PIAS2: variants seen among roughly 807,000 people sequenced by gnomAD.
The protein encoded by PIAS2 is protein inhibitor of activated STAT 2.
A neutral mutation model predicts 69.7 loss-of-function variants in PIAS2; 19 were observed. The observed-to-expected ratio is 0.27, with a 90% confidence interval of 0.19 to 0.40. The LOEUF (loss-of-function observed/expected upper bound fraction) is 0.40, where lower values mean the gene tolerates loss of function less well. Among genes scored for constraint, PIAS2 ranks in the 10% least tolerant of loss-of-function variants. The pLI is 1.00. For missense variants in PIAS2, 624 were observed against 757.0 expected, an observed-to-expected ratio of 0.82 and a Z score of 2.06; for synonymous variants, 261 against 263.2, an observed-to-expected ratio of 0.99 and a Z score of 0.08.
At chr18:46,827,220 C>A (rs1412674518) in intron 11 of PIAS2, 1 of 152,140 alleles carries the variant, frequency 6.6e-6, no homozygotes, top group East Asian at 1.9e-4. Context: ...TCGTAGACAG[C>A]CAGGAGAACT....
At chr18:46,879,710 A>G (rs1009122130) in intron 2 of PIAS2, among the ~76,000 whole-genome samples, 5 of 152,230 alleles carry the variant, frequency 3.3e-5, no homozygotes, top group Non-Finnish European at 7.3e-5. Context: ...CATACAATAG[A>G]ATATTACTAT....
At chr18:46,874,709 C>T (rs1466671987) in intron 2 of PIAS2, among the ~76,000 whole-genome samples, 2 of 152,198 alleles carry the variant, frequency 1.3e-5, no homozygotes, top group African/African-American at 4.8e-5. Flanking sequence ...ACGTTTGAAA[C>T]TAAAGATCAA....
At position 46,804,109 on chromosome 18, in the gene PIAS2, C is replaced by G. The variant is rs1253626103; in HGVS notation, c.*8324G>C. 1 of 152,218 alleles carries G rather than the reference C, an allele frequency of 6.6e-6. No individual in the cohort carries two copies. The highest frequency in any genetic ancestry group is 1.5e-5 in the Non-Finnish European group (1 of 68,042). 9.4% of individuals were successfully genotyped at this position (152,218 alleles called of 1,614,324 possible). On this transcript the variant is annotated 3_prime_UTR_variant, in exon 14 of 14. Coordinates refer to ENST00000585916, the MANE Select transcript of PIAS2 (RefSeq NM_004671.5). Reference sequence around the variant, plus strand: ...TAAGTCAAATGCAAATGGTTATCCACCATTTCTTCATCCACCAATATTTAC... The same window carrying G: ...TAAGTCAAATGCAAATGGTTATCCAGCATTTCTTCATCCACCAATATTTAC...
chr18:46,907,774 A>G (rs2056800114), intron 1 of PIAS2: 2 of 152,102 alleles, frequency 1.3e-5, no homozygotes, highest in Non-Finnish European at 1.5e-5. Context: ...AACTTTTCCT[A>G]TACATGGGTT....
At chr18:46,855,103 TAAAAAAAAAAAA>T (rs59957336) in intron 5 of PIAS2, among the ~76,000 whole-genome samples, 60 of 76,346 alleles carry the variant, frequency 7.9e-4, no homozygotes, top group African/African-American at 3.1e-3. Context: ...CTTGTCTCTT[TAAAAAAAAAAAA>T]AAAAAAAAAA....
At chr18:46,847,521 G>A (rs775524739) in intron 5 of PIAS2, among the ~76,000 whole-genome samples, 3 of 144,806 alleles carry the variant, frequency 2.1e-5, no homozygotes, top group Non-Finnish European at 4.5e-5. Context: ...TGGCTCTGTC[G>A]CCCAGGCTGG....
chr18:46,908,115 C>G (rs2056843980), intron 1 of PIAS2: 1 of 152,012 alleles, frequency 6.6e-6, no homozygotes, highest in Non-Finnish European at 1.5e-5. Context: ...TGCTATATAT[C>G]AAAAGAAGTT....
chr18:46,914,358 A>T (rs1245526723), intron 1 of PIAS2, among the ~76,000 whole-genome samples: 1 of 152,110 alleles, frequency 6.6e-6, no homozygotes, highest in African/African-American at 2.4e-5. Flanking sequence ...AAACTCAGCC[A>T]ATCAGATTCT....
intron 13 of PIAS2, among the ~76,000 whole-genome samples, chr18:46,814,394 C>T (rs1317580149): frequency 6.6e-6 from 1 of 152,184 alleles, no homozygotes; most frequent in Non-Finnish European, 1.5e-5. Flanking sequence ...GTAATCCTCA[C>T]ATCTGAAGAA....
intron 2 of PIAS2, among the ~76,000 whole-genome samples, chr18:46,884,798 T>A (rs1386638592): frequency 6.6e-6 from 1 of 151,938 alleles, no homozygotes; most frequent in African/African-American, 2.4e-5. Context: ...ATGCCTGTAA[T>A]CCCAGCTACT....
intron 5 of PIAS2, among the ~76,000 whole-genome samples, chr18:46,847,483 T>C (rs1382793452): frequency 8.2e-6 from 1 of 121,586 alleles, no homozygotes; most frequent in Non-Finnish European, 1.8e-5. Context: ...ATCAACCGTA[T>C]TTTTTTTTTT....
rs527795117 is a variant in PIAS2, at chr18:46,883,816, A to C, written c.499+6764T>G. On this transcript the variant is annotated intron_variant, in intron 2 of 13. Coordinates refer to ENST00000585916, the MANE Select transcript of PIAS2 (RefSeq NM_004671.5). ...AAGATTGTACACTCTAACCTGGGCAATTAAGTGACCCTCTCTCAATAAATA... is the reference window on the plus strand; with the variant it reads ...AAGATTGTACACTCTAACCTGGGCACTTAAGTGACCCTCTCTCAATAAATA... Among the ~76,000 whole-genome samples the C allele has an allele frequency of 7.9e-5, 12 of 152,268 alleles. No individual in the cohort carries two copies. In the East Asian group the frequency reaches 2.1e-3, roughly 27 times the overall value.
chr18:46,843,064 C>A (rs1347618821), intron 8 of PIAS2, among the ~76,000 whole-genome samples: 2 of 152,116 alleles, frequency 1.3e-5, no homozygotes, highest in Non-Finnish European at 2.9e-5. Context: ...GGAAAAAGAA[C>A]AGGAATATCA....
chr18:46,861,824 T>C (rs1043877537), intron 3 of PIAS2, among the ~76,000 whole-genome samples: 7 of 152,126 alleles, frequency 4.6e-5, no homozygotes, highest in Non-Finnish European at 1.0e-4. Context: ...TTAAATGTGA[T>C]TTGGGATTGT....
intron 1 of PIAS2, among the ~76,000 whole-genome samples, chr18:46,903,865 C>T (rs1301309404): frequency 1.3e-5 from 2 of 152,218 alleles, no homozygotes; most frequent in African/African-American, 2.4e-5. Flanking sequence ...GAATTCATAT[C>T]GTGGAAAACT....
rs373571332 is a variant in PIAS2 at position 46,832,862 on chromosome 18, A to C, written c.1203-2995T>G. 1.3e-4 allele frequency among the ~76,000 whole-genome samples: 19 copies of C among 149,646 alleles called. No individual in the cohort carries two copies. The East Asian group carries it at 2.7e-3, about 22-fold the overall frequency. On this transcript the variant is annotated intron_variant, in intron 9 of 13. Coordinates refer to ENST00000585916, the MANE Select transcript of PIAS2 (RefSeq NM_004671.5). ...AGCCAAGATGGTGCCATTGCACTCCAGCCTGGGCAACAGAGCAAGCCTCTG... is the reference window on the plus strand; with the variant it reads ...AGCCAAGATGGTGCCATTGCACTCCCGCCTGGGCAACAGAGCAAGCCTCTG...
intron 8 of PIAS2, among the ~76,000 whole-genome samples, chr18:46,837,643 T>C (rs771502035): frequency 4.0e-4 from 61 of 152,332 alleles, no homozygotes; most frequent in Non-Finnish European, 6.5e-4. Context: ...TTTTTCAACA[T>C]ACTTTTGATT....
chr18:46,812,528 T>C lies in PIAS2; in HGVS notation c.1771A>G (p.Ser591Gly), dbSNP rs1175565274. Residue 591 changes from serine to glycine, a missense_variant, in exon 14 of 14, where the codon AGC becomes GGC. Around this residue, in one of 3 missense-constraint regions of PIAS2, gnomAD observed 241 missense variants for 257.3 expected, o/e 0.94. Coordinates refer to ENST00000585916, the MANE Select transcript of PIAS2 (RefSeq NM_004671.5). ...TSVTTTSSHE[S>G]STHVSSSSSR... ...CTGGATGAACTAACATGAGTACTGC[T>C]TTCATGGGAGCTGGTGGTGGTGACA... 1.9e-6 allele frequency: 3 copies of C among 1,612,962 alleles called. No homozygotes were observed. The South Asian group carries it at 3.3e-5, about 18-fold the overall frequency.
At chr18:46,854,211 T>C (rs552476148) in intron 5 of PIAS2, among the ~76,000 whole-genome samples, 1 of 152,302 alleles carries the variant, frequency 6.6e-6, no homozygotes, top group Non-Finnish European at 1.5e-5. Flanking sequence ...CACTTGGCTC[T>C]GGAGAGCCCA....
Sources: allele counts gnomAD v4.1 joint callset (sites outside exome capture counted in the v4.1 genomes callset), GRCh38; gene constraint gnomAD v4.1.1; regional missense constraint gnomAD v4.1.1; transcripts MANE v1.5; gene names NCBI Gene and HGNC (gene_info 2026-07-23, HGNC 2026-07-21).